Variants in GPR89B observed in about 807,000 individuals in gnomAD.
GPR89B encodes the protein G protein-coupled receptor 89B.
In GPR89B, 25 loss-of-function variants were observed where a neutral mutation model predicts 52.4. That is an observed-to-expected ratio of 0.48 (90% CI 0.35 to 0.67). The LOEUF (loss-of-function observed/expected upper bound fraction) is 0.67. Ranked by LOEUF, GPR89B falls within the 30% of genes least tolerant of loss-of-function variation. GPR89B has a pLI of 0.01. For synonymous variants in GPR89B, 52 were observed against 151.2 expected (o/e 0.34, Z 4.81); for missense variants, 146 against 450.2 (o/e 0.32, Z 6.11).
chr1:148,002,029 C>T, the GPR89B span, among the ~76,000 whole-genome samples: 1 of 148,106 alleles, frequency 6.8e-6, no homozygotes, highest in East Asian at 2.0e-4. Flanking sequence ...GTATCTTCAC[C>T]AGATGCTGCT....
chr1:148,009,502 C>G, the GPR89B span: 6 of 1,593,954 alleles, frequency 3.8e-6, no homozygotes, highest in Non-Finnish European at 5.1e-6. Context: ...TCTTTCAAGT[C>G]CACCCGTGTT....
At chr1:147,942,359 CT>C (rs1333484172) in intron 3 of GPR89B, among the ~76,000 whole-genome samples, 2 of 147,898 alleles carry the variant, frequency 1.4e-5, no homozygotes, top group African/African-American at 4.9e-5. Context: ...TCATACACTC[CT>C]GAGGAAAATG....
chr1:147,947,393 A>G (rs1269673391), intron 5 of GPR89B, among the ~76,000 whole-genome samples: 4 of 151,476 alleles, frequency 2.6e-5, no homozygotes, highest in African/African-American at 9.7e-5. Context: ...AAAAATCTGT[A>G]AAAGTACTTC....
At chr1:147,988,904 A>G (rs1201738749) in intron 12 of GPR89B, among the ~76,000 whole-genome samples, 1 of 140,678 alleles carries the variant, frequency 7.1e-6, no homozygotes, top group African/African-American at 2.6e-5. Flanking sequence ...ATTTTACCTC[A>G]TTAAGAATTC....
At chr1:147,957,572 A>G (rs1656209279) in intron 7 of GPR89B, among the ~76,000 whole-genome samples, 1 of 152,008 alleles carries the variant, frequency 6.6e-6, no homozygotes, top group Non-Finnish European at 1.5e-5. Context: ...TAGGGATAGA[A>G]TGATGAACAA....
At chr1:147,945,524 T>C (rs1164993771) in intron 5 of GPR89B, among the ~76,000 whole-genome samples, 1 of 152,172 alleles carries the variant, frequency 6.6e-6, no homozygotes, top group African/African-American at 2.4e-5. Flanking sequence ...GAAAAGCATA[T>C]GCAATACCAT....
chr1:147,998,900 AATG>A, the GPR89B span, among the ~76,000 whole-genome samples: 3 of 150,288 alleles, frequency 2.0e-5, no homozygotes, highest in Admixed American at 1.3e-4. Context: ...AAAAAAAAAA[AATG>A]AGATTTTATT....
At chr1:147,979,292 C>T (rs1221347961) in intron 10 of GPR89B, among the ~76,000 whole-genome samples, 4 of 152,022 alleles carry the variant, frequency 2.6e-5, no homozygotes, top group Admixed American at 1.3e-4. Context: ...TAGTTGGTCA[C>T]CTTGGCCCCT....
chr1:147,951,285 T>G (rs1287644227), intron 5 of GPR89B, among the ~76,000 whole-genome samples: 1 of 151,956 alleles, frequency 6.6e-6, no homozygotes, highest in African/African-American at 2.4e-5. Context: ...TTAGAACATG[T>G]GAAATGCTTA....
intron 5 of GPR89B, among the ~76,000 whole-genome samples, chr1:147,945,761 C>G (rs1654917267): frequency 6.6e-6 from 1 of 150,700 alleles, no homozygotes; most frequent in Non-Finnish European, 1.5e-5. Context: ...AGGTCTCACT[C>G]TCACCCAGGC....
At chr1:147,957,639 T>A (rs1219581100) in intron 7 of GPR89B, among the ~76,000 whole-genome samples, 3 of 151,776 alleles carry the variant, frequency 2.0e-5, no homozygotes, top group Non-Finnish European at 4.4e-5. Context: ...ATTAAAGTTA[T>A]TATTACCCAT....
At chr1:147,936,598 A>G (rs1654110923) in intron 1 of GPR89B, 29 bp from the exon 2 acceptor site, 1 of 1,583,214 alleles carries the variant, frequency 6.3e-7, no homozygotes, top group South Asian at 1.1e-5. Context: ...GAAAATATGT[A>G]TTGACATTCT....
intron 7 of GPR89B, among the ~76,000 whole-genome samples, chr1:147,964,374 G>A (rs1656878091): frequency 6.6e-6 from 1 of 151,918 alleles, no homozygotes; most frequent in Non-Finnish European, 1.5e-5. Context: ...CCTCAGCCAA[G>A]TGCATATGTT....
rs587631768 is a variant in GPR89B, at chr1:147,928,665, G to C, written c.42+87G>C. ...GTCCTCCGCGGTGCGGGCTGGTCCG[G>C]GGTCTCGCTCCTCTCTTACGCGGCC... On this transcript the variant is annotated intron_variant, in intron 1 of 13. Transcript: ENST00000314163. 1.8e-4 allele frequency: 277 copies of C among 1,566,832 alleles called. 3 individuals are homozygous for C. In the South Asian group the frequency reaches 2.2e-3, roughly 12 times the overall value.
the GPR89B span, among the ~76,000 whole-genome samples, chr1:148,019,937 G>C: frequency 6.6e-6 from 1 of 151,550 alleles, no homozygotes; most frequent in Non-Finnish European, 1.5e-5. Flanking sequence ...TGTTTTCCAG[G>C]AACTCAAAAG....
At chr1:147,937,218 G>T (rs1159952536) in intron 2 of GPR89B, among the ~76,000 whole-genome samples, 3 of 151,474 alleles carry the variant, frequency 2.0e-5, no homozygotes, top group African/African-American at 2.4e-5. Flanking sequence ...CCGTGATGGT[G>T]ACTCCGAGCC....
chr1:147,971,161 T>C (rs1264483233), intron 10 of GPR89B, among the ~76,000 whole-genome samples: 3 of 151,790 alleles, frequency 2.0e-5, no homozygotes, highest in African/African-American at 4.9e-5. Context: ...GCATGTCTTT[T>C]TTTTTTTAGA....
chr1:147,928,654 G>A, intron 1 of GPR89B, 76 bp downstream of exon 1: 1 of 1,587,536 alleles, frequency 6.3e-7, no homozygotes, highest in East Asian at 2.2e-5. Context: ...TCCGCGGTGC[G>A]GGCTGGTCCG....
At chr1:147,935,342 G>A (rs1653993774) in intron 1 of GPR89B, among the ~76,000 whole-genome samples, 1 of 152,116 alleles carries the variant, frequency 6.6e-6, no homozygotes. Flanking sequence ...AGTAGTCTGT[G>A]CTAAACTACT....
Sources: gnomAD v4.1 joint callset for allele counts (sites outside exome capture counted in the v4.1 genomes callset) on GRCh38, gnomAD v4.1.1 for gene constraint, MANE v1.5 for transcripts, NCBI Gene and HGNC (gene_info 2026-07-23, HGNC 2026-07-21) for gene names.